CLASP2: variants seen among roughly 807,000 people sequenced by gnomAD.
CLASP2 encodes cytoplasmic linker associated protein 2, also known as CLIP-associating protein 2.
A neutral mutation model predicts 194.4 loss-of-function variants in CLASP2; 47 were observed. The observed-to-expected ratio is 0.24, with a 90% CI of 0.19 to 0.31. The LOEUF (loss-of-function observed/expected upper bound fraction) is 0.31, where lower values mean the gene tolerates loss of function less well. Among genes scored for constraint, CLASP2 ranks in the 10% least tolerant of loss-of-function variants. The pLI is 1.00. For missense variants in CLASP2, 1,445 were observed against 1,823.6 expected, an observed-to-expected ratio of 0.79 and a Z score of 3.78; for synonymous variants, 619 against 633.5, an observed-to-expected ratio of 0.98 and a Z score of 0.34.
intron 21 of CLASP2, among the ~76,000 whole-genome samples, chr3:33,587,275 G>A (rs1347262233): frequency 3.3e-5 from 5 of 151,914 alleles, no homozygotes; most frequent in South Asian, 2.1e-4. Context: ...ACAGGCACCC[G>A]CCACCACGCC....
At chr3:33,615,791 AAAT>A (rs903568745) in intron 12 of CLASP2, among the ~76,000 whole-genome samples, 1 of 152,148 alleles carries the variant, frequency 6.6e-6, no homozygotes, top group Non-Finnish European at 1.5e-5. Context: ...TGAAACTAAA[AAAT>A]AATGACAATA....
intron 27 of CLASP2, among the ~76,000 whole-genome samples, chr3:33,565,187 A>G (rs2062475225): frequency 6.6e-6 from 1 of 152,058 alleles, no homozygotes; most frequent in African/African-American, 2.4e-5. Flanking sequence ...ATAACATTTT[A>G]TTTTCTTTCT....
chr3:33,705,414 T>C (rs1385116826), intron 1 of CLASP2, among the ~76,000 whole-genome samples: 1 of 152,198 alleles, frequency 6.6e-6, no homozygotes, highest in East Asian at 1.9e-4. Context: ...GGTGGTATAA[T>C]AGCTAAAAGG....
chr3:33,622,818 T>C (rs2077323632), intron 10 of CLASP2, among the ~76,000 whole-genome samples: 1 of 152,082 alleles, frequency 6.6e-6, no homozygotes, highest in African/African-American at 2.4e-5. Context: ...ACATTTTTTT[T>C]TTTTTTTGAG....
rs552742101 is a variant in CLASP2 at position 33,580,767 on chromosome 3, G to A, written c.2347+1054C>T. On this transcript the variant is annotated intron_variant, in intron 23 of 38. Transcript: ENST00000682230. ...GCAGTGGCTCACGCCTGTAAACCCA[G>A]CACTTTGGGGGGCCGAGGCGGGCGG... Among the ~76,000 whole-genome samples, 1,004 of 152,086 alleles carry A rather than the reference G, an allele frequency of 6.6e-3. 4 individuals are homozygous for A. Among genetic ancestry groups the A allele is most frequent in the Middle Eastern group, 0.017 (5 of 292 alleles).
At chr3:33,580,292 T>C (rs1296735590) in intron 23 of CLASP2, among the ~76,000 whole-genome samples, 1 of 152,168 alleles carries the variant, frequency 6.6e-6, no homozygotes, top group Admixed American at 6.5e-5. Context: ...CCAGGTGCAG[T>C]GGATCACACC....
intron 1 of CLASP2, among the ~76,000 whole-genome samples, chr3:33,699,661 A>G (rs1000127119): frequency 6.6e-6 from 1 of 152,182 alleles, no homozygotes; most frequent in African/African-American, 2.4e-5. Flanking sequence ...TTTTCCTACA[A>G]ATATATACCT....
chr3:33,602,888 G>T, intron 18 of CLASP2, 64 bp downstream of exon 18: 3 of 1,420,686 alleles, frequency 2.1e-6, no homozygotes, highest in Non-Finnish European at 2.0e-6. Context: ...TAAGGTATAT[G>T]AACTTGTCTT....
intron 1 of CLASP2, among the ~76,000 whole-genome samples, chr3:33,701,632 A>T (rs570216681): frequency 7.9e-5 from 12 of 152,352 alleles, no homozygotes; most frequent in Admixed American, 2.0e-4. Context: ...ATGAAACAGA[A>T]GAGGCAGTCC....
rs566050498 is a variant in CLASP2 at position 33,522,948 on chromosome 3, C to T, written c.3788-5774G>A. ...AAAATTAGCCAGGTGTGGTGGTGGG[C>T]GCTTGTAGTCCCAGCTGCTGGGGAG... On this transcript the variant is annotated intron_variant, in intron 34 of 38. Transcript: ENST00000682230. 6.7e-4 allele frequency among the ~76,000 whole-genome samples: 102 copies of T among 152,116 alleles called. 1 individual carries two copies. The highest frequency in any genetic ancestry group is 9.7e-4 in the Non-Finnish European group (66 of 67,982).
intron 33 of CLASP2, among the ~76,000 whole-genome samples, chr3:33,537,169 C>T (rs2057503887): frequency 1.3e-5 from 2 of 152,106 alleles, no homozygotes; most frequent in Admixed American, 1.3e-4. Context: ...AGTTCCCTAC[C>T]CTGTACCATG....
intron 12 of CLASP2, 35 bp from the exon 13 acceptor site, chr3:33,612,106 T>C: frequency 7.5e-7 from 1 of 1,324,532 alleles, no homozygotes; most frequent in Non-Finnish European, 1.1e-6. Context: ...TTGAAAATAC[T>C]ACACACTTCA....
chr3:33,677,628 A>G (rs374371336), intron 6 of CLASP2, among the ~76,000 whole-genome samples: 1 of 150,962 alleles, frequency 6.6e-6, no homozygotes, highest in Admixed American at 6.6e-5. Context: ...TGGGTGCAGC[A>G]CACCAGCATG....
At chr3:33,591,583 C>T (rs1282747762) in intron 21 of CLASP2, among the ~76,000 whole-genome samples, 2 of 152,124 alleles carry the variant, frequency 1.3e-5, no homozygotes, top group African/African-American at 4.8e-5. Context: ...TCTATTCCAG[C>T]CTAGGCAACA....
At chr3:33,625,897 T>TA (rs538886947) in intron 10 of CLASP2, among the ~76,000 whole-genome samples, 26 of 148,818 alleles carry the variant, frequency 1.7e-4, no homozygotes, top group East Asian at 5.9e-4. Flanking sequence ...ATTTTTCTAA[T>TA]AAAAAAAAAA....
intron 38 of CLASP2, 113 bp from the exon 39 acceptor site, chr3:33,498,830 G>C (rs1044891121): frequency 6.0e-6 from 3 of 502,030 alleles, no homozygotes; most frequent in Non-Finnish European, 1.0e-5. Flanking sequence ...TTTTAGGCTG[G>C]GGGTTATTAT....
chr3:33,602,374 T>C (rs1023588412), intron 18 of CLASP2: 1 of 612,480 alleles, frequency 1.6e-6, no homozygotes. Context: ...TATTGTGTTC[T>C]GGCGATCTGC....
At chr3:33,563,653 G>A (rs747589777) in intron 27 of CLASP2, among the ~76,000 whole-genome samples, 2 of 152,164 alleles carry the variant, frequency 1.3e-5, no homozygotes, top group Non-Finnish European at 2.9e-5. Context: ...AATAAGCATG[G>A]CCGTGTGTCA....
intron 23 of CLASP2, among the ~76,000 whole-genome samples, chr3:33,577,704 A>G (rs1052438889): frequency 3.9e-5 from 6 of 152,176 alleles, no homozygotes; most frequent in African/African-American, 7.2e-5. Context: ...TGCTTCATTC[A>G]TATGTAGAAA....
Sources: allele counts gnomAD v4.1 joint callset (sites outside exome capture counted in the v4.1 genomes callset), GRCh38; gene constraint gnomAD v4.1.1; transcripts MANE v1.5; gene names NCBI Gene and HGNC (gene_info 2026-07-23, HGNC 2026-07-21).